Variants in CTNND2 observed in about 807,000 individuals in gnomAD.
CTNND2 encodes the protein catenin delta 2, also known as catenin delta-2.
Under a neutral mutation model 144.4 loss-of-function variants are expected in CTNND2, and 22 were observed. The observed-to-expected ratio is 0.15, with a 90% CI of 0.11 to 0.22. The LOEUF (loss-of-function observed/expected upper bound fraction) is 0.22. CTNND2 is among the 10% of genes least tolerant of loss of function. The pLI, the probability that CTNND2 is intolerant of heterozygous loss-of-function variation, is 1.00. For missense variants in CTNND2, 1,353 were observed against 1,618.8 expected (o/e 0.84, Z 2.82); for synonymous variants, 751 against 695.6 (o/e 1.08, Z -1.25).
chr5:11,787,753 AT>A (rs1790910393), intron 1 of CTNND2, among the ~76,000 whole-genome samples: 1 of 152,320 alleles, frequency 6.6e-6, no homozygotes, highest in African/African-American at 2.4e-5. Flanking sequence ...AACAATATGG[AT>A]TACTTTGTAC....
At chr5:11,505,356 G>A (rs938972774) in intron 3 of CTNND2, among the ~76,000 whole-genome samples, 13 of 152,092 alleles carry the variant, frequency 8.5e-5, no homozygotes, top group Non-Finnish European at 5.9e-5. Flanking sequence ...CAGTCAGCAG[G>A]GCCACATGCT....
rs1561317809 is a variant in CTNND2 at position 11,110,386 on chromosome 5, ATGG to A, written c.2463+469_2463+471del. 1.5e-3 allele frequency among the ~76,000 whole-genome samples: 224 copies of A among 152,278 alleles called. 2 individuals carry two copies. The highest frequency in any genetic ancestry group is 5.3e-3 in the African/African-American group (219 of 41,548). Reference sequence around the variant, plus strand: ...TGAATTCTCTGTTACCCCATTTCCAATGGAAAGTGTGAGACTGAAAATCTAAAT... The same window carrying A: ...TGAATTCTCTGTTACCCCATTTCCAAAAAGTGTGAGACTGAAAATCTAAAT... On this transcript the variant is annotated intron_variant, in intron 14 of 21. Transcript: ENST00000304623.
At chr5:11,542,019 C>T (rs1009288096) in intron 3 of CTNND2, among the ~76,000 whole-genome samples, 5 of 151,910 alleles carry the variant, frequency 3.3e-5, no homozygotes, top group Non-Finnish European at 4.4e-5. Flanking sequence ...TTTTTGTCCC[C>T]GTAGGGACAT....
chr5:11,855,298 G>A (rs1173913389), intron 1 of CTNND2, among the ~76,000 whole-genome samples: 1 of 152,172 alleles, frequency 6.6e-6, no homozygotes, highest in Non-Finnish European at 1.5e-5. Flanking sequence ...ATGAATCCTA[G>A]TTCCCCTACC....
intron 2 of CTNND2, among the ~76,000 whole-genome samples, chr5:11,660,388 G>C (rs190386668): frequency 6.6e-6 from 1 of 152,072 alleles, no homozygotes; most frequent in Non-Finnish European, 1.5e-5. Context: ...CCGGACAGAA[G>C]GGATATCTGA....
intron 1 of CTNND2, among the ~76,000 whole-genome samples, chr5:11,788,224 T>C (rs1223613874): frequency 6.6e-6 from 1 of 152,144 alleles, no homozygotes; most frequent in African/African-American, 2.4e-5. Context: ...ACTCAAGACT[T>C]TCACAATTTG....
intron 1 of CTNND2, among the ~76,000 whole-genome samples, chr5:11,735,175 C>T (rs1787610457): frequency 6.6e-6 from 1 of 152,210 alleles, no homozygotes; most frequent in Non-Finnish European, 1.5e-5. Context: ...TGAATACCAA[C>T]AGGATGACAG....
At chr5:11,748,257 T>A (rs1430680141) in intron 1 of CTNND2, among the ~76,000 whole-genome samples, 1 of 152,122 alleles carries the variant, frequency 6.6e-6, no homozygotes, top group Non-Finnish European at 1.5e-5. Flanking sequence ...TTTACCCGCA[T>A]ATAACAAATT....
chr5:11,063,468 T>C (rs1580177904), intron 16 of CTNND2, among the ~76,000 whole-genome samples: 1 of 152,298 alleles, frequency 6.6e-6, no homozygotes, highest in East Asian at 1.9e-4. Flanking sequence ...ATAAGAAATA[T>C]TTACAATATA....
chr5:11,767,467 G>T (rs933419345), intron 1 of CTNND2, among the ~76,000 whole-genome samples: 1 of 152,180 alleles, frequency 6.6e-6, no homozygotes, highest in Non-Finnish European at 1.5e-5. Context: ...TAAGACAAAA[G>T]ATCACTGAGT....
chr5:11,369,180 T>C (rs558129200), intron 7 of CTNND2, among the ~76,000 whole-genome samples: 5 of 152,294 alleles, frequency 3.3e-5, no homozygotes, highest in African/African-American at 1.2e-4. Flanking sequence ...TTCTAATGGA[T>C]TATTGCAAAA....
intron 2 of CTNND2, among the ~76,000 whole-genome samples, chr5:11,682,797 G>C: frequency 6.6e-6 from 1 of 152,148 alleles, no homozygotes; most frequent in East Asian, 1.9e-4. Flanking sequence ...AAACCAAGAG[G>C]CTTCTTAGAT....
At chr5:11,737,814 C>T (rs1276524371) in intron 1 of CTNND2, among the ~76,000 whole-genome samples, 1 of 152,132 alleles carries the variant, frequency 6.6e-6, no homozygotes, top group Non-Finnish European at 1.5e-5. Flanking sequence ...TCTCTCTTCC[C>T]CTTTGCATAC....
chr5:11,139,692 G>A (rs1026562968), intron 12 of CTNND2, among the ~76,000 whole-genome samples: 5 of 152,234 alleles, frequency 3.3e-5, no homozygotes, highest in African/African-American at 7.2e-5. Context: ...CCACAGGAAT[G>A]CAACAGCTGC....
intron 2 of CTNND2, among the ~76,000 whole-genome samples, chr5:11,632,490 G>A (rs1781460623): frequency 6.6e-6 from 1 of 152,180 alleles, no homozygotes; most frequent in Non-Finnish European, 1.5e-5. Flanking sequence ...ACAAGCACTG[G>A]TTGGAGGGTG....
At chr5:11,799,394 G>A (rs983579701) in intron 1 of CTNND2, among the ~76,000 whole-genome samples, 3 of 152,048 alleles carry the variant, frequency 2.0e-5, no homozygotes, top group African/African-American at 7.2e-5. Flanking sequence ...CAATTTCCAA[G>A]TCTTTGTTTT....
chr5:11,886,805 G>A (rs1418294702), intron 1 of CTNND2, among the ~76,000 whole-genome samples: 1 of 151,962 alleles, frequency 6.6e-6, no homozygotes, highest in Non-Finnish European at 1.5e-5. Context: ...ATGGAAAGAA[G>A]ATAGCATTCC....
At chr5:11,398,734 A>G (rs916821) in intron 5 of CTNND2, among the ~76,000 whole-genome samples, 8,717 of 152,268 alleles carry the variant, frequency 0.057, 573 homozygotes, top group African/African-American at 0.15. Context: ...AGATGGTAAC[A>G]TTTCCAATAG....
intron 2 of CTNND2, among the ~76,000 whole-genome samples, chr5:11,672,850 T>C (rs1783974334): frequency 6.6e-6 from 1 of 152,050 alleles, no homozygotes; most frequent in South Asian, 2.1e-4. Context: ...TTCCCTTGGC[T>C]AGAGAAGGGA....
Sources: allele counts gnomAD v4.1 joint callset (sites outside exome capture counted in the v4.1 genomes callset), GRCh38; gene constraint gnomAD v4.1.1; transcripts MANE v1.5; gene names NCBI Gene and HGNC (gene_info 2026-07-23, HGNC 2026-07-21).